ADCYAP1R1: variants seen among roughly 807,000 people sequenced by gnomAD.
ADCYAP1R1 encodes pituitary adenylate cyclase-activating polypeptide type I receptor.
Under a neutral mutation model 67.6 loss-of-function variants are expected in ADCYAP1R1, and 44 were observed. The observed-to-expected ratio is 0.65, with a 90% CI of 0.51 to 0.84. The LOEUF (loss-of-function observed/expected upper bound fraction) is 0.84, where lower values mean the gene tolerates loss of function less well. Among genes scored for constraint, ADCYAP1R1 ranks in the 40% least tolerant of loss-of-function variants. The pLI, the probability that ADCYAP1R1 is intolerant of heterozygous loss-of-function variation, is 0.00. For missense variants in ADCYAP1R1, 477 were observed against 587.9 expected (o/e 0.81, Z 1.95); for synonymous variants, 222 against 219.6 (o/e 1.01, Z -0.10).
At chr7:31,099,211 C>T (rs1354840103) in intron 13 of ADCYAP1R1, among the ~76,000 whole-genome samples, 1 of 152,208 alleles carries the variant, frequency 6.6e-6, no homozygotes, top group East Asian at 1.9e-4. Flanking sequence ...TTTGTTTCTG[C>T]AAGCCATGGG....
rs952870095 is a variant in ADCYAP1R1, at chr7:31,075,791, G to A, written c.158-2200G>A. On this transcript the variant is annotated intron_variant, in intron 3 of 15. Transcript: ENST00000304166. ...TTTTGAAAAGCTTCTGGTCATAGCT[G>A]TGTGGGGTTTGTGTACCTGTGGTCT... Among the ~76,000 whole-genome samples the A allele has an allele frequency of 3.3e-5, 5 of 152,190 alleles. No homozygotes were observed. The East Asian group carries it at 9.6e-4, about 29-fold the overall frequency.
intron 3 of ADCYAP1R1, among the ~76,000 whole-genome samples, chr7:31,077,636 ATG>A (rs1562639427): frequency 8.9e-6 from 1 of 112,778 alleles, no homozygotes; most frequent in Non-Finnish European, 1.8e-5. Context: ...TGTATGATAT[ATG>A]TGTGTGGTGT....
At chr7:31,085,502 G>C (rs1262167362) in intron 9 of ADCYAP1R1, 60 bp downstream of exon 9, 1 of 1,549,980 alleles carries the variant, frequency 6.5e-7, no homozygotes, top group Admixed American at 1.8e-5. Context: ...CCATCCCCTT[G>C]GTTCCCCAGG....
At chr7:31,090,805 TATCCA>T (rs1176894811) in intron 12 of ADCYAP1R1, among the ~76,000 whole-genome samples, 3 of 152,236 alleles carry the variant, frequency 2.0e-5, no homozygotes, top group Non-Finnish European at 4.4e-5. Context: ...ACATTTTCTT[TATCCA>T]ATCCACTATC....
intron 12 of ADCYAP1R1, among the ~76,000 whole-genome samples, chr7:31,091,346 A>G (rs545504115): frequency 6.6e-6 from 1 of 152,270 alleles, no homozygotes; most frequent in South Asian, 2.1e-4. Context: ...TTGCAAATAT[A>G]TTCTCCCATT....
chr7:31,082,457 TAAAA>T (rs1795553895), intron 6 of ADCYAP1R1, among the ~76,000 whole-genome samples: 1 of 151,988 alleles, frequency 6.6e-6, no homozygotes, highest in Admixed American at 6.6e-5. Flanking sequence ...AGAAGGAAAA[TAAAA>T]GAAAGGAAAC....
In ADCYAP1R1 at chr7:31,107,604, C is replaced by G. The variant is rs1584558182; in HGVS notation, c.*920C>G. The G allele has an allele frequency of 6.6e-6, 1 of 152,284 alleles. No homozygotes were observed. Among genetic ancestry groups the G allele is most frequent in the Admixed American group, 6.5e-5 (1 of 15,290 alleles). The allele number at this position is 152,284 out of a possible 1,614,324, so 9.4% of individuals were successfully genotyped here. A position where few individuals can be genotyped will look rare whatever the true frequency, so the allele number is the denominator to read the frequency against. On this transcript the variant is annotated 3_prime_UTR_variant, in exon 16 of 16. Coordinates refer to ENST00000304166, the MANE Select transcript of ADCYAP1R1 (RefSeq NM_001118.5). ...TCCAACCATGCACACCACAGAGAGC[C>G]CTTAAGCCCTCCCCTCCCCATTTCC...
chr7:31,066,622 T>A (rs1794749722), intron 3 of ADCYAP1R1, among the ~76,000 whole-genome samples: 1 of 152,180 alleles, frequency 6.6e-6, no homozygotes, highest in East Asian at 1.9e-4. Context: ...TGGCTGCACA[T>A]CTGAATCACT....
At chr7:31,062,954 T>A (rs576341002) in intron 1 of ADCYAP1R1, among the ~76,000 whole-genome samples, 1 of 152,340 alleles carries the variant, frequency 6.6e-6, no homozygotes, top group African/African-American at 2.4e-5. Context: ...GCCAGGAGAC[T>A]GGTGGAGCTG....
At chr7:31,055,468 T>C (rs1000686976) in intron 1 of ADCYAP1R1, among the ~76,000 whole-genome samples, 1 of 152,190 alleles carries the variant, frequency 6.6e-6, no homozygotes, top group Non-Finnish European at 1.5e-5. Flanking sequence ...TTAATTCCAC[T>C]GTGTAGCCTA....
At chr7:31,084,036 C>T (rs901347791) in intron 6 of ADCYAP1R1, 105 bp from the exon 7 acceptor site, 4 of 917,320 alleles carry the variant, frequency 4.4e-6, no homozygotes, top group Non-Finnish European at 5.2e-6. Context: ...CCCAGTTGGT[C>T]ATAGGGGTTT....
At chr7:31,071,629 CA>C (rs1321663823) in intron 3 of ADCYAP1R1, among the ~76,000 whole-genome samples, 1 of 152,200 alleles carries the variant, frequency 6.6e-6, no homozygotes, top group African/African-American at 2.4e-5. Context: ...TCTTCTTTGC[CA>C]AGGCCTTTTC....
chr7:31,083,533 T>C (rs1244670851), intron 6 of ADCYAP1R1, among the ~76,000 whole-genome samples: 1 of 152,182 alleles, frequency 6.6e-6, no homozygotes, highest in East Asian at 1.9e-4. Context: ...AACCCAAATA[T>C]ATATCTTCGT....
intron 12 of ADCYAP1R1, 141 bp from the exon 13 acceptor site, chr7:31,092,503 T>C: frequency 1.5e-6 from 1 of 669,166 alleles, no homozygotes; most frequent in Non-Finnish European, 2.6e-6. Context: ...GCTGGAGAGA[T>C]AAATGGGAAT....
At chr7:31,103,499 G>C in intron 14 of ADCYAP1R1, 133 bp downstream of exon 14, 3 of 1,263,880 alleles carry the variant, frequency 2.4e-6, no homozygotes, top group Non-Finnish European at 3.3e-6. Context: ...AGGGAGCCCT[G>C]TCTGCTGTCT....
chr7:31,063,369 T>G, intron 2 of ADCYAP1R1, 54 bp downstream of exon 2: 1 of 1,597,762 alleles, frequency 6.3e-7, no homozygotes, highest in Admixed American at 1.7e-5. Context: ...GAGTCCCCGC[T>G]CCAGAGAACT....
At position 31,108,746 on chromosome 7, in the gene ADCYAP1R1, A is replaced by ATGTGTGTGTGTGTGTGTG. The variant is rs3076597; in HGVS notation, c.*2080_*2097dup. The ATGTGTGTGTGTGTGTGTG allele has an allele frequency of 6.8e-6, 1 of 147,966 alleles. No individual in the cohort carries two copies. The highest frequency in any genetic ancestry group is 1.5e-5 in the Non-Finnish European group (1 of 66,678). 9.2% of individuals were successfully genotyped at this position (147,966 alleles called of 1,614,324 possible). ...CCTCATATCAGGTTTTGATGAATAT[A>ATGTGTGTGTGTGTGTGTG]TGTGTGTGTGTGTGTGTGTGTGTGT... On this transcript the variant is annotated 3_prime_UTR_variant, in exon 16 of 16. Transcript: ENST00000304166.
intron 13 of ADCYAP1R1, among the ~76,000 whole-genome samples, chr7:31,093,301 A>G (rs1796043696): frequency 1.3e-5 from 2 of 152,042 alleles, no homozygotes; most frequent in African/African-American, 4.8e-5. Context: ...TTCCTTTCTG[A>G]TGAACATCTA....
chr7:31,054,735 G>C (rs1439706707), intron 1 of ADCYAP1R1, among the ~76,000 whole-genome samples: 2 of 152,240 alleles, frequency 1.3e-5, no homozygotes, highest in African/African-American at 4.8e-5. Flanking sequence ...GAACCAAGGT[G>C]TGCCAAGTGC....
Sources: allele counts gnomAD v4.1 joint callset (sites outside exome capture counted in the v4.1 genomes callset), GRCh38; gene constraint gnomAD v4.1.1; transcripts MANE v1.5; gene names NCBI Gene and HGNC (gene_info 2026-07-23, HGNC 2026-07-21).